The following NRXN3 variants were observed in gnomAD, a reference collection of about 807,000 sequenced individuals.
NRXN3 encodes the protein neurexin 3.
NRXN3 carries 32 observed loss-of-function variants against 137.6 expected under a neutral mutation model. The observed-to-expected ratio is 0.23, with a 90% CI of 0.18 to 0.31. NRXN3 has a LOEUF of 0.31. NRXN3 is among the 10% of genes least tolerant of loss of function. The pLI is 1.00. For missense variants in NRXN3, 1,574 were observed against 2,062.5 expected (o/e 0.76, Z 4.59); for synonymous variants, 798 against 784.5 (o/e 1.02, Z -0.29).
intron 4 of NRXN3, among the ~76,000 whole-genome samples, chr14:78,321,312 AGGAAG>A (rs1370098981): frequency 6.6e-6 from 1 of 151,968 alleles, no homozygotes; most frequent in East Asian, 1.9e-4. Context: ...TCCCAAGGCC[AGGAAG>A]GGAGAAGTAA....
intron 15 of NRXN3, among the ~76,000 whole-genome samples, chr14:79,227,803 T>TCCC (rs1290466197): frequency 3.7e-5 from 5 of 135,686 alleles, no homozygotes; most frequent in Admixed American, 7.4e-5. Flanking sequence ...CCTTCCTCCC[T>TCCC]TCCTCCCTCC....
Position 79,013,114 on chromosome 14 carries a change from G to A in NRXN3, c.3262+24973G>A, listed in dbSNP as rs536304314. On this transcript the variant is annotated intron_variant, in intron 15 of 20. Coordinates refer to ENST00000335750, the MANE Select transcript of NRXN3 (RefSeq NM_001330195.2). ...GCTATGGGACTTTTCAGCTTTGCCT[G>A]TATGAAATTCATTTACTAAGTATAT... Among the ~76,000 whole-genome samples, 4 of 152,246 alleles carry A rather than the reference G, an allele frequency of 2.6e-5. No homozygotes were observed. In the East Asian group the frequency reaches 7.7e-4, roughly 29 times the overall value.
At chr14:78,515,710 C>T (rs2193665) in intron 4 of NRXN3, among the ~76,000 whole-genome samples, 63,855 of 151,538 alleles carry the variant, frequency 0.42, 13,701 homozygotes, top group East Asian at 0.48. Context: ...GCCGAGATGA[C>T]GAGTTTCGTG....
At chr14:79,409,231 A>G (rs1746523608) in intron 15 of NRXN3, among the ~76,000 whole-genome samples, 1 of 151,936 alleles carries the variant, frequency 6.6e-6, no homozygotes, top group African/African-American at 2.4e-5. Context: ...TGTGATATAT[A>G]TATATATTCT....
intron 15 of NRXN3, among the ~76,000 whole-genome samples, chr14:79,162,911 C>CTTCTACTCTCTTCTATCCTCCCATTCT (rs1234036169): frequency 1.8e-4 from 28 of 151,886 alleles, no homozygotes; most frequent in African/African-American, 6.7e-4. Flanking sequence ...CCTCTTTTTC[C>CTTCTACTCTCTTCTATCCTCCCATTCT]TTCTACTCTC....
At chr14:78,898,541 C>T (rs921818033) in intron 10 of NRXN3, among the ~76,000 whole-genome samples, 1 of 147,838 alleles carries the variant, frequency 6.8e-6, no homozygotes, top group Non-Finnish European at 1.5e-5. Flanking sequence ...CTTTCCAGAG[C>T]ACAGCTGGGT....
At chr14:78,333,492 A>G (rs769842778) in intron 4 of NRXN3, among the ~76,000 whole-genome samples, 8 of 152,192 alleles carry the variant, frequency 5.3e-5, no homozygotes, top group African/African-American at 1.2e-4. Flanking sequence ...AAAAATCACA[A>G]TAAATACACT....
intron 4 of NRXN3, among the ~76,000 whole-genome samples, chr14:78,526,363 G>A (rs1046204566): frequency 4.6e-5 from 7 of 152,204 alleles, no homozygotes; most frequent in Non-Finnish European, 7.3e-5. Context: ...TGCAAAGATA[G>A]CACTATAGCC....
At chr14:79,494,954 A>G (rs1030198418) in intron 16 of NRXN3, among the ~76,000 whole-genome samples, 1 of 152,168 alleles carries the variant, frequency 6.6e-6, no homozygotes. Flanking sequence ...ATACTTTTTA[A>G]TTGAAAGAAT....
chr14:78,926,345 T>C (rs2099290682), intron 10 of NRXN3, among the ~76,000 whole-genome samples: 1 of 151,998 alleles, frequency 6.6e-6, no homozygotes, highest in Non-Finnish European at 1.5e-5. Context: ...GTGAATGTGG[T>C]CTTTCTCTCT....
At chr14:78,839,549 A>C (rs1336306566) in intron 10 of NRXN3, among the ~76,000 whole-genome samples, 1 of 152,192 alleles carries the variant, frequency 6.6e-6, no homozygotes, top group Non-Finnish European at 1.5e-5. Flanking sequence ...GGAGTGAAGG[A>C]GGTGCAGATC....
intron 6 of NRXN3, among the ~76,000 whole-genome samples, chr14:78,668,910 A>G (rs1018162166): frequency 1.4e-5 from 2 of 142,160 alleles, no homozygotes; most frequent in African/African-American, 2.7e-5. Context: ...ATAATGCAAC[A>G]TATTAAACTC....
chr14:79,695,391 A>G (rs2098731849), intron 18 of NRXN3, among the ~76,000 whole-genome samples: 1 of 152,000 alleles, frequency 6.6e-6, no homozygotes, highest in Non-Finnish European at 1.5e-5. Flanking sequence ...GCTGAACTAT[A>G]CACAAAATAA....
intron 16 of NRXN3, among the ~76,000 whole-genome samples, chr14:79,651,680 G>A (rs976786662): frequency 2.0e-5 from 3 of 152,176 alleles, no homozygotes; most frequent in African/African-American, 7.2e-5. Flanking sequence ...AGGCACGTGT[G>A]TAAAGTTGTT....
At chr14:79,213,625 T>TGGG (rs900441550) in intron 15 of NRXN3, among the ~76,000 whole-genome samples, 87 of 138,170 alleles carry the variant, frequency 6.3e-4, no homozygotes, top group African/African-American at 2.2e-3. Context: ...CCTTTTTTTT[T>TGGG]GGGGGGGGGT....
At chr14:78,539,371 A>G (rs1394904916) in intron 4 of NRXN3, among the ~76,000 whole-genome samples, 1 of 152,074 alleles carries the variant, frequency 6.6e-6, no homozygotes, top group Non-Finnish European at 1.5e-5. Flanking sequence ...GAATTTATCC[A>G]TTTCTTCTAG....
intron 10 of NRXN3, among the ~76,000 whole-genome samples, chr14:78,920,618 C>G (rs2152821025): frequency 6.6e-6 from 1 of 152,288 alleles, no homozygotes; most frequent in East Asian, 1.9e-4. Context: ...TTCTGCTACT[C>G]TAGACACCAG....
intron 1 of NRXN3, among the ~76,000 whole-genome samples, chr14:78,173,329 A>G (rs561113226): frequency 1.2e-4 from 19 of 152,122 alleles, no homozygotes; most frequent in African/African-American, 3.6e-4. Flanking sequence ...GGGAGGGGTT[A>G]ATTTGGTGAG....
chr14:79,400,878 C>A (rs1439623379), intron 15 of NRXN3, among the ~76,000 whole-genome samples: 1 of 152,142 alleles, frequency 6.6e-6, no homozygotes, highest in Non-Finnish European at 1.5e-5. Context: ...CCGTAACAAG[C>A]CTCCTTGTTG....
Sources: gnomAD v4.1 joint callset for allele counts (sites outside exome capture counted in the v4.1 genomes callset) on GRCh38, gnomAD v4.1.1 for gene constraint, MANE v1.5 for transcripts, NCBI Gene and HGNC (gene_info 2026-07-23, HGNC 2026-07-21) for gene names.